Variants in METTL9 observed in about 807,000 individuals in gnomAD.
The protein encoded by METTL9 is protein-L-histidine N-pros-methyltransferase.
In METTL9, 10 loss-of-function variants were observed where a neutral mutation model predicts 36.0. The observed-to-expected ratio is 0.28, with a 90% CI of 0.17 to 0.47. METTL9 has a LOEUF of 0.47. Ranked by LOEUF, METTL9 falls within the 20% of genes least tolerant of loss-of-function variation. The pLI, the probability that METTL9 is intolerant of heterozygous loss-of-function variation, is 0.99. For missense variants in METTL9, 246 were observed against 383.5 expected (o/e 0.64, Z 3.00); for synonymous variants, 175 against 149.7 (o/e 1.17, Z -1.23).
intron 4 of METTL9, among the ~76,000 whole-genome samples, chr16:21,626,008 G>A (rs937064895): frequency 1.3e-5 from 2 of 152,094 alleles, no homozygotes; most frequent in Middle Eastern, 6.8e-3. Flanking sequence ...GGCATTCTCC[G>A]GCCTCAGCCT....
Position 21,599,700 on chromosome 16 carries a change from C to A in METTL9, c.-34C>A. 6.9e-7 allele frequency: 1 copy of A among 1,451,934 alleles called. No individual in the cohort carries two copies. 89.9% of individuals were successfully genotyped at this position (1,451,934 alleles called of 1,614,324 possible). On this transcript the variant is annotated 5_prime_UTR_variant, in exon 1 of 5. Transcript: ENST00000358154. This position sits in a 1 kb window ranked among gnomAD's most constrained non-coding sequence, Gnocchi z 4.4. ...TGCCTCCTCCTCCTCGCCCCGGCGC[C>A]GGCGGTGATCCGAGCGAGCGGCCGC...
Position 21,599,849 on chromosome 16 carries a change from G to A in METTL9, c.116G>A (p.Gly39Asp), listed in dbSNP as rs1196004911. ...TRSLYVNMTSGPGGPAAAAGG... is the reference protein window; with the variant it reads ...TRSLYVNMTSDPGGPAAAAGG... ...TCCCTGTACGTGAACATGACTAGCG[G>A]CCCGGGTGGGCCGGCGGCGGCCGCG... Residue 39 changes from glycine to aspartate, a missense_variant, in exon 1 of 5, where the codon GGC becomes GAC. Gly to Asp is a moderately conservative substitution (Grantham distance 94). Coordinates refer to ENST00000358154, the MANE Select transcript of METTL9 (RefSeq NM_016025.5). The surrounding 1 kb of genome is among the most constrained non-coding windows in gnomAD (Gnocchi z 4.4). 6.6e-7 allele frequency: 1 copy of A among 1,511,854 alleles called. No individual in the cohort carries two copies. The highest frequency in any genetic ancestry group is 8.8e-7 in the Non-Finnish European group (1 of 1,136,610). 93.7% of individuals were successfully genotyped at this position (1,511,854 alleles called of 1,614,324 possible).
At chr16:21,605,378 T>C (rs1173078127) in intron 1 of METTL9, among the ~76,000 whole-genome samples, 1 of 142,896 alleles carries the variant, frequency 7.0e-6, no homozygotes, top group Non-Finnish European at 1.5e-5. Context: ...ACTCCTGGCC[T>C]CAGTACATCC....
At chr16:21,621,495 T>G (rs1965692186) in intron 3 of METTL9, among the ~76,000 whole-genome samples, 1 of 151,980 alleles carries the variant, frequency 6.6e-6, no homozygotes, top group Non-Finnish European at 1.5e-5. Flanking sequence ...CCAGCTAAAT[T>G]TTTTGTATTT....
chr16:21,649,176 A>G (rs1567348279), intron 4 of METTL9, among the ~76,000 whole-genome samples: 3 of 152,134 alleles, frequency 2.0e-5, no homozygotes, highest in Non-Finnish European at 2.9e-5. Context: ...TATTTTTTGT[A>G]GAGACAGGGT....
chr16:21,654,953 G>C, intron 4 of METTL9: 1 of 466,534 alleles, frequency 2.1e-6, no homozygotes, highest in East Asian at 3.9e-5. Flanking sequence ...GAAGATAACA[G>C]TGTGGGGCCT....
At chr16:21,651,083 T>TG (rs1251848970) in intron 4 of METTL9, among the ~76,000 whole-genome samples, 1 of 151,662 alleles carries the variant, frequency 6.6e-6, no homozygotes, top group African/African-American at 2.4e-5. Context: ...ATTAGCCGGG[T>TG]GTGGTGGCAG....
At chr16:21,652,311 A>G (rs1469536733) in intron 4 of METTL9, 5 of 435,940 alleles carry the variant, frequency 1.1e-5, no homozygotes, top group Non-Finnish European at 1.2e-5. Context: ...TCCAATTAGC[A>G]TAATAGCAAA....
At chr16:21,627,045 G>T (rs553328079) in intron 4 of METTL9, 11 of 985,288 alleles carry the variant, frequency 1.1e-5, no homozygotes, top group Non-Finnish European at 1.3e-5. Flanking sequence ...GAGGAGTCTG[G>T]CATGTGACAC....
rs758929814 is a variant in METTL9, at chr16:21,599,907, T to G, written c.165+9T>G. The G allele has an allele frequency of 2.8e-6, 4 of 1,405,348 alleles. No homozygotes were observed. Among genetic ancestry groups the G allele is most frequent in the Non-Finnish European group, 3.7e-6 (4 of 1,080,668 alleles). The allele number at this position is 1,405,348 out of a possible 1,614,324, so 87.1% of individuals were successfully genotyped here. A position where few individuals can be genotyped will look rare whatever the true frequency, so the allele number is the denominator to read the frequency against. ...GGAAGGAGAACCACCAGGTACGGGC[T>G]GGGGCCGGGGCCGGGGCGGGGGCGT... On this transcript the variant is annotated intron_variant, in intron 1 of 4. Transcript: ENST00000358154. The surrounding 1 kb of genome is among the most constrained non-coding windows in gnomAD (Gnocchi z 4.4).
At chr16:21,637,853 G>A (rs868105215) in intron 4 of METTL9, among the ~76,000 whole-genome samples, 10 of 152,262 alleles carry the variant, frequency 6.6e-5, no homozygotes, top group Non-Finnish European at 7.3e-5. Flanking sequence ...CGGTCAGAGC[G>A]GACACCGAGG....
At chr16:21,616,333 C>T (rs1433313495) in intron 2 of METTL9, among the ~76,000 whole-genome samples, 2 of 152,196 alleles carry the variant, frequency 1.3e-5, no homozygotes, top group African/African-American at 4.8e-5. Flanking sequence ...CTCCCAACCT[C>T]ATTCGAACAG....
At chr16:21,630,065 A>G (rs1306524307) in intron 4 of METTL9, among the ~76,000 whole-genome samples, 1 of 152,226 alleles carries the variant, frequency 6.6e-6, no homozygotes, top group East Asian at 1.9e-4. Flanking sequence ...TTTTAGGTAG[A>G]CACAGAGTGC....
chr16:21,630,527 T>C (rs1315266464), intron 4 of METTL9, among the ~76,000 whole-genome samples: 1 of 152,152 alleles, frequency 6.6e-6, no homozygotes, highest in Non-Finnish European at 1.5e-5. Context: ...CTAAACAGGA[T>C]ACCCCCAACT....
At chr16:21,624,837 A>G in intron 3 of METTL9, 94 bp from the exon 4 acceptor site, 1 of 1,093,034 alleles carries the variant, frequency 9.1e-7, no homozygotes, top group South Asian at 1.4e-5. Flanking sequence ...TTAATTTAGA[A>G]GACAAAGTTA....
chr16:21,621,462 A>C (rs1472129664), intron 3 of METTL9, among the ~76,000 whole-genome samples: 2 of 152,018 alleles, frequency 1.3e-5, no homozygotes, highest in Non-Finnish European at 2.9e-5. Context: ...AGTAGCTGGG[A>C]TTACAGGCGC....
chr16:21,616,560 C>T (rs946889836), intron 2 of METTL9, among the ~76,000 whole-genome samples: 1 of 152,142 alleles, frequency 6.6e-6, no homozygotes, highest in Non-Finnish European at 1.5e-5. Context: ...GGGTTCTCTT[C>T]AATCTCCAGT....
chr16:21,641,461 A>G, intron 4 of METTL9: 3 of 772,806 alleles, frequency 3.9e-6, no homozygotes, highest in Non-Finnish European at 6.4e-6. Context: ...AGACCTGATG[A>G]TATATGTTCA....
At chr16:21,616,645 A>G (rs1965560926) in intron 2 of METTL9, among the ~76,000 whole-genome samples, 1 of 152,212 alleles carries the variant, frequency 6.6e-6, no homozygotes, top group African/African-American at 2.4e-5. Context: ...TAGAAATAAT[A>G]GGACCCAGAC....
Sources: allele counts gnomAD v4.1 joint callset (sites outside exome capture counted in the v4.1 genomes callset), GRCh38; gene constraint gnomAD v4.1.1; non-coding constraint Gnocchi (gnomAD v3.1); transcripts MANE v1.5; gene names NCBI Gene and HGNC (gene_info 2026-07-23, HGNC 2026-07-21).